Variants in FRMD8 observed in about 807,000 individuals in gnomAD.
FRMD8 encodes FERM domain containing 8.
Under a neutral mutation model 54.2 loss-of-function variants are expected in FRMD8, and 37 were observed. That is an observed-to-expected ratio of 0.68 (90% CI 0.53 to 0.90). The LOEUF (loss-of-function observed/expected upper bound fraction) is 0.90, where lower values mean the gene tolerates loss of function less well. FRMD8 is among the 40% of genes least tolerant of loss of function. The pLI, the probability that FRMD8 is intolerant of heterozygous loss-of-function variation, is 0.00. For synonymous variants in FRMD8, 246 were observed against 286.9 expected (o/e 0.86, Z 1.44); for missense variants, 585 against 653.7 (o/e 0.89, Z 1.15).
intron 6 of FRMD8, among the ~76,000 whole-genome samples, chr11:65,395,262 G>T (rs571992919): frequency 2.7e-5 from 4 of 150,834 alleles, no homozygotes; most frequent in Admixed American, 6.6e-5. Flanking sequence ...AAAAAAAAAT[G>T]CCGGGTGCGG....
chr11:65,393,856 A>G (rs1166935453), intron 4 of FRMD8, 182 bp downstream of exon 4: 16 of 791,338 alleles, frequency 2.0e-5, no homozygotes, highest in Middle Eastern at 2.7e-4. Flanking sequence ...GTGAAGCCCC[A>G]TTGGGGGATG....
chr11:65,383,773 A>AAAAC (rs1491220339), upstream of FRMD8: 1 of 97,770 alleles, frequency 1.0e-5, no homozygotes, highest in Non-Finnish European at 2.5e-5. Context: ...AAAAAAACAA[A>AAAAC]CAAACAAACA....
At chr11:65,376,939 C>G in the FRMD8 span, 5 of 1,612,850 alleles carry the variant, frequency 3.1e-6, no homozygotes, top group Non-Finnish European at 4.2e-6. Context: ...GCCCCCGGGG[C>G]CCCTCCTCCC....
chr11:65,374,326 G>GGGTAGCCATGTGCCCAGGTGGAGCAA, the FRMD8 span, among the ~76,000 whole-genome samples: 3 of 145,764 alleles, frequency 2.1e-5, no homozygotes, highest in African/African-American at 7.5e-5. Flanking sequence ...AGGTGGAGCA[G>GGGTAGCCATGTGCCCAGGTGGAGCAA]GGTAGCCATG....
At chr11:65,399,484 G>A (rs185301708) in intron 7 of FRMD8, among the ~76,000 whole-genome samples, 1 of 152,260 alleles carries the variant, frequency 6.6e-6, no homozygotes, top group African/African-American at 2.4e-5. Context: ...GGGGCCACGC[G>A]CTTCCCTCCG....
intron 2 of FRMD8, chr11:65,387,401 A>G (rs1184113056): frequency 1.6e-6 from 1 of 610,962 alleles, no homozygotes; most frequent in Non-Finnish European, 2.9e-6. Flanking sequence ...GATGTGGTTC[A>G]TGCTTGTAAT....
At chr11:65,379,347 C>A in the FRMD8 span, 4 of 1,602,598 alleles carry the variant, frequency 2.5e-6, no homozygotes, top group South Asian at 4.4e-5. Context: ...CCTATGACAC[C>A]TGTGTGTGCC....
intron 3 of FRMD8, among the ~76,000 whole-genome samples, chr11:65,392,667 C>T (rs140874833): frequency 6.6e-6 from 1 of 152,246 alleles, no homozygotes; most frequent in East Asian, 1.9e-4. Context: ...ATTCTGCCAA[C>T]CCCTGGCGAG....
At chr11:65,387,164 C>A in intron 2 of FRMD8, 43 bp downstream of exon 2, 1 of 1,486,400 alleles carries the variant, frequency 6.7e-7, no homozygotes, top group Non-Finnish European at 9.3e-7. Context: ...CTCCTGGGAC[C>A]CCAGCCCTGG....
chr11:65,412,072 C>G lies in FRMD8; in HGVS notation c.*712C>G, dbSNP rs758287180. 3 of 152,258 alleles carry G rather than the reference C, an allele frequency of 2.0e-5. No individual in the cohort carries two copies. The highest frequency in any genetic ancestry group is 2.9e-5 in the Non-Finnish European group (2 of 68,078). 9.4% of individuals were successfully genotyped at this position (152,258 alleles called of 1,614,324 possible). ...CTCGTTCTGGTCTCCTTTGCAGGCA[C>G]GAGATACCAGAAAGAGCATGCCTTT... On this transcript the variant is annotated 3_prime_UTR_variant, in exon 11 of 11. Transcript: ENST00000317568.
intron 4 of FRMD8, 122 bp downstream of exon 4, chr11:65,393,796 TC>T: frequency 3.5e-6 from 3 of 857,232 alleles, no homozygotes; most frequent in African/African-American, 1.7e-5. Context: ...GGCCTGCATC[TC>T]CCCCAGGCTC....
rs377669483 is a variant in FRMD8 at position 65,399,158 on chromosome 11, C to T, written c.804-578C>T. Among the ~76,000 whole-genome samples, 16 of 152,142 alleles carry T rather than the reference C, an allele frequency of 1.1e-4. No individual in the cohort carries two copies. In the East Asian group the frequency reaches 1.2e-3, roughly 11 times the overall value. On this transcript the variant is annotated intron_variant, in intron 7 of 10. Transcript: ENST00000317568. The stretch of plus-strand genomic sequence containing the variant: ...GATTACAGGTGCCCACCACCATGCC[C>T]GGCTAATTTTTTTTGTATTTTTAGT...
In FRMD8 at chr11:65,404,867, G is replaced by T. The variant is rs766848074; in HGVS notation, c.1075G>T (p.Glu359Ter). 18 of 1,610,904 alleles carry T rather than the reference G, an allele frequency of 1.1e-5. No individual in the cohort carries two copies. Among genetic ancestry groups the T allele is most frequent in the Non-Finnish European group, 1.5e-5 (18 of 1,178,318 alleles). The change falls in exon 10 of 11, where the codon GAA (glutamate) becomes TAA (stop). Residue 359 changes from glutamate (E) to a stop codon, truncating the protein, a stop_gained. Coordinates refer to ENST00000317568, the MANE Select transcript of FRMD8 (RefSeq NM_031904.5). LOFTEE classifies it high-confidence loss of function. The surrounding 1 kb of genome is among the most constrained non-coding windows in gnomAD (Gnocchi z 4.7). ...KLLKIYSKQA[E>*]LMSSLIEYCI... ...CACACTGCCCCCTCCTCCCCAGGCC[G>T]AACTGATGAGCAGTCTCATTGAGTA... is the stretch of plus-strand genomic sequence containing the variant.
At chr11:65,376,431 T>G in the FRMD8 span, 1 of 1,614,014 alleles carries the variant, frequency 6.2e-7, no homozygotes, top group Middle Eastern at 1.6e-4. Flanking sequence ...GGAGGAGATA[T>G]TCGTAGCTGA....
In FRMD8 at chr11:65,394,113, C is replaced by T. The variant is rs759035096; in HGVS notation, c.414+14C>T. ...CGGGAGCTCCAGGTGAGGCAGGAGC[C>T]CTGGTGGCCCCACCAGGCCTGGCCC... On this transcript the variant is annotated intron_variant, in intron 5 of 10. Transcript: ENST00000317568. 3 of 1,613,194 alleles carry T rather than the reference C, an allele frequency of 1.9e-6. No individual in the cohort carries two copies. In the Admixed American group the frequency reaches 5.0e-5, roughly 27 times the overall value.
intron 10 of FRMD8, among the ~76,000 whole-genome samples, chr11:65,409,738 C>T (rs1298455150): frequency 1.3e-5 from 2 of 151,132 alleles, no homozygotes; most frequent in South Asian, 2.1e-4. Context: ...TGCAGTCCAG[C>T]CTGGGTGACA....
In FRMD8 at chr11:65,404,516, G is replaced by A. The variant is rs1463744538; in HGVS notation, c.1072-348G>A. Among the ~76,000 whole-genome samples, 1 of 44,568 alleles carries A rather than the reference G, an allele frequency of 2.2e-5. No homozygotes were observed. Among genetic ancestry groups the A allele is most frequent in the Admixed American group, 2.6e-4 (1 of 3,794 alleles). 29.2% of individuals were successfully genotyped at this position (44,568 alleles called of 152,430 possible). ...CCCAGCCAGCACCACCCGCCTCCCC[G>A]CCCCGCTTCCCCACTCTTCGTCCTC... On this transcript the variant is annotated intron_variant, in intron 9 of 10. Coordinates refer to ENST00000317568, the MANE Select transcript of FRMD8 (RefSeq NM_031904.5). This position sits in a 1 kb window ranked among gnomAD's most constrained non-coding sequence, Gnocchi z 4.7.
At position 65,400,777 on chromosome 11, in the gene FRMD8, CGAG is replaced by C; in HGVS notation, c.991_993del (p.Glu331del). Reference sequence around the variant, plus strand: ...AGCTGTCGTGGGACCACACCTCCCCCGAGGAGGAGGAGCCCATCTTGTGGCTGG... The same window carrying C: ...AGCTGTCGTGGGACCACACCTCCCCCGAGGAGGAGCCCATCTTGTGGCTGG... On this transcript the variant is annotated inframe_deletion, in exon 9 of 11. Transcript: ENST00000317568. The surrounding 1 kb of genome is among the most constrained non-coding windows in gnomAD (Gnocchi z 4.3). 2 of 1,611,678 alleles carry C rather than the reference CGAG, an allele frequency of 1.2e-6. No individual in the cohort carries two copies. The highest frequency in any genetic ancestry group is 1.3e-5 in the African/African-American group (1 of 74,996).
At chr11:65,382,117 G>A (rs1362364852), upstream of FRMD8, 28 of 667,044 alleles carry the variant, frequency 4.2e-5, no homozygotes, top group Middle Eastern at 1.2e-3. This position sits in a 1 kb window ranked among gnomAD's most constrained non-coding sequence, Gnocchi z 4.4. Flanking sequence ...AGAGGAGAGC[G>A]AGCCAGTTCC....
Sources: allele counts gnomAD v4.1 joint callset (sites outside exome capture counted in the v4.1 genomes callset), GRCh38; gene constraint gnomAD v4.1.1; non-coding constraint Gnocchi (gnomAD v3.1); transcripts MANE v1.5; gene names NCBI Gene and HGNC (gene_info 2026-07-23, HGNC 2026-07-21).